ALG14: variants seen among roughly 807,000 people sequenced by gnomAD.
ALG14 encodes UDP-N-acetylglucosamine transferase subunit ALG14.
A neutral mutation model predicts 22.8 loss-of-function variants in ALG14; 17 were observed. The ratio of observed to expected loss-of-function variants is 0.75; its 90% CI spans 0.51 to 1.12. ALG14 has a LOEUF of 1.12. Among genes scored for constraint, ALG14 ranks in the 50% most tolerant of loss-of-function variants. The pLI, the probability that ALG14 is intolerant of heterozygous loss-of-function variation, is 0.00. For missense variants in ALG14, 288 were observed against 271.8 expected (o/e 1.06, Z -0.42); for synonymous variants, 89 against 103.7 (o/e 0.86, Z 0.86).
chr1:94,983,536 G>A, intron 3 of ALG14: 1 of 527,526 alleles, frequency 1.9e-6, no homozygotes, highest in Non-Finnish European at 3.4e-6. Flanking sequence ...GTGACTCAGG[G>A]CAAATCACTT....
chr1:95,043,017 T>A lies in ALG14; in HGVS notation c.289-15757A>T, dbSNP rs545683900. Among the ~76,000 whole-genome samples the A allele has an allele frequency of 1.8e-4, 28 of 152,328 alleles. No homozygotes were observed. The South Asian group carries it at 4.6e-3, about 25-fold the overall frequency. On this transcript the variant is annotated intron_variant, in intron 2 of 3. Transcript: ENST00000370205. ...GTGATCTTCCAATCTTTCATTGAAT[T>A]TTTATTGCTGAAATCAAAATTTTAA...
At chr1:94,995,675 T>C (rs932873214) in intron 3 of ALG14, among the ~76,000 whole-genome samples, 2 of 152,188 alleles carry the variant, frequency 1.3e-5, no homozygotes, top group African/African-American at 4.8e-5. Flanking sequence ...GATCGTGCCA[T>C]TGCACTCCAG....
intron 3 of ALG14, among the ~76,000 whole-genome samples, chr1:95,018,458 C>T (rs1673567394): frequency 6.6e-6 from 1 of 152,004 alleles, no homozygotes; most frequent in Non-Finnish European, 1.5e-5. Context: ...ATAGCTTGAA[C>T]CCAGGAGGCA....
chr1:94,998,760 A>G (rs1172739211), intron 3 of ALG14, among the ~76,000 whole-genome samples: 4 of 152,192 alleles, frequency 2.6e-5, no homozygotes, highest in Non-Finnish European at 4.4e-5. Context: ...GAGGATAGAC[A>G]TGGCAGGTAA....
intron 2 of ALG14, among the ~76,000 whole-genome samples, chr1:95,040,876 A>C (rs1674357067): frequency 6.6e-6 from 1 of 152,230 alleles, no homozygotes; most frequent in South Asian, 2.1e-4. Flanking sequence ...TTAAATTACC[A>C]CAAGGTTGAA....
intron 3 of ALG14, among the ~76,000 whole-genome samples, chr1:94,999,614 C>T (rs1673005894): frequency 6.6e-6 from 1 of 152,096 alleles, no homozygotes; most frequent in South Asian, 2.1e-4. Context: ...CCCTCTCCAG[C>T]TCCCTCCTGA....
chr1:95,066,724 T>C (rs1675381593), intron 1 of ALG14, among the ~76,000 whole-genome samples: 1 of 152,124 alleles, frequency 6.6e-6, no homozygotes, highest in South Asian at 2.1e-4. Flanking sequence ...TATCTTTGGT[T>C]TAGCCTCGAA....
chr1:95,017,594 G>C (rs1008919066), intron 3 of ALG14, among the ~76,000 whole-genome samples: 4 of 151,322 alleles, frequency 2.6e-5, no homozygotes, highest in Non-Finnish European at 5.9e-5. Flanking sequence ...TAGATGAGAG[G>C]AAGAAAGAGA....
intron 3 of ALG14, among the ~76,000 whole-genome samples, chr1:94,998,069 T>TA (rs1291866951): frequency 6.6e-6 from 1 of 152,178 alleles, no homozygotes; most frequent in Admixed American, 6.5e-5. Context: ...GCAGTTCAGC[T>TA]AACAGGGAAA....
chr1:95,071,057 G>T (rs915278275), intron 1 of ALG14, among the ~76,000 whole-genome samples: 5 of 152,100 alleles, frequency 3.3e-5, no homozygotes, highest in Non-Finnish European at 7.4e-5. Flanking sequence ...CTTTAAATAT[G>T]ATCCTATTTA....
At chr1:95,002,936 C>G (rs965297710) in intron 3 of ALG14, among the ~76,000 whole-genome samples, 1 of 152,130 alleles carries the variant, frequency 6.6e-6, no homozygotes, top group Non-Finnish European at 1.5e-5. Context: ...ACTAAAGTGG[C>G]AAACAAAGAA....
chr1:95,065,314 G>A (rs1416403784), intron 1 of ALG14, among the ~76,000 whole-genome samples: 1 of 152,192 alleles, frequency 6.6e-6, no homozygotes, highest in East Asian at 1.9e-4. Flanking sequence ...AGACTGGTGA[G>A]AAAGGGGCAA....
chr1:94,998,559 T>C (rs928349137), intron 3 of ALG14, among the ~76,000 whole-genome samples: 1 of 152,220 alleles, frequency 6.6e-6, no homozygotes, highest in Non-Finnish European at 1.5e-5. Context: ...CTCATCTATA[T>C]GACTTTATTA....
Position 95,052,426 on chromosome 1 carries a change from C to T in ALG14, c.288+12440G>A, listed in dbSNP as rs1237023873. Among the ~76,000 whole-genome samples, 6 of 152,200 alleles carry T rather than the reference C, an allele frequency of 3.9e-5. No homozygotes were observed. In the East Asian group the frequency reaches 1.2e-3, roughly 29 times the overall value. ...GGAGAAGGAGTGCTCACAGTTAAAA[C>T]ATTCTCAACACCTTGTTTAAGATGA... On this transcript the variant is annotated intron_variant, in intron 2 of 3. Coordinates refer to ENST00000370205, the MANE Select transcript of ALG14 (RefSeq NM_144988.4).
intron 3 of ALG14, among the ~76,000 whole-genome samples, chr1:94,989,191 G>A (rs1356376542): frequency 6.6e-6 from 1 of 152,094 alleles, no homozygotes; most frequent in Admixed American, 6.5e-5. Context: ...ACATCTTTGT[G>A]TATAAATCTG....
chr1:95,058,655 A>C (rs1464671364), intron 2 of ALG14, among the ~76,000 whole-genome samples: 1 of 151,092 alleles, frequency 6.6e-6, no homozygotes, highest in Non-Finnish European at 1.5e-5. Context: ...CAGAGCTGAA[A>C]AGACTCTGGA....
At chr1:95,043,826 A>G (rs1674460362) in intron 2 of ALG14, among the ~76,000 whole-genome samples, 1 of 151,200 alleles carries the variant, frequency 6.6e-6, no homozygotes, top group Non-Finnish European at 1.5e-5. Flanking sequence ...GAGGAGAGGA[A>G]GAAGAGAGAG....
intron 2 of ALG14, among the ~76,000 whole-genome samples, chr1:95,042,191 A>G (rs975164484): frequency 1.3e-4 from 20 of 152,076 alleles, no homozygotes; most frequent in Admixed American, 1.3e-3. Context: ...AAATCAACCA[A>G]TATCTCCCTA....
At chr1:95,004,898 T>C (rs1030570709) in intron 3 of ALG14, among the ~76,000 whole-genome samples, 2 of 150,632 alleles carry the variant, frequency 1.3e-5, no homozygotes, top group African/African-American at 4.9e-5. Context: ...CTCCACCTCA[T>C]GTGTTCAAGC....
Sources: gnomAD v4.1 joint callset for allele counts (sites outside exome capture counted in the v4.1 genomes callset) on GRCh38, gnomAD v4.1.1 for gene constraint, MANE v1.5 for transcripts, NCBI Gene and HGNC (gene_info 2026-07-23, HGNC 2026-07-21) for gene names.